KCNMB2: variants seen among roughly 807,000 people sequenced by gnomAD.
KCNMB2 encodes potassium calcium-activated channel subfamily M regulatory beta subunit 2.
Under a neutral mutation model 24.5 loss-of-function variants are expected in KCNMB2, and 9 were observed. The ratio of observed to expected loss-of-function variants is 0.37; its 90% CI spans 0.22 to 0.64. The LOEUF (loss-of-function observed/expected upper bound fraction) is 0.64. Among genes scored for constraint, KCNMB2 ranks in the 30% least tolerant of loss-of-function variants. The pLI, the probability that KCNMB2 is intolerant of heterozygous loss-of-function variation, is 0.63. For synonymous variants in KCNMB2, 109 were observed against 104.4 expected (o/e 1.04, Z -0.27); for missense variants, 226 against 284.3 (o/e 0.79, Z 1.47).
intron 1 of KCNMB2, among the ~76,000 whole-genome samples, chr3:178,563,107 A>T (rs922267145): frequency 2.6e-5 from 4 of 152,310 alleles, no homozygotes; most frequent in African/African-American, 9.6e-5. Context: ...GTGAACTGGG[A>T]TCCTTTAATT....
intron 1 of KCNMB2, among the ~76,000 whole-genome samples, chr3:178,683,320 A>G (rs576731443): frequency 1.3e-5 from 2 of 151,726 alleles, no homozygotes; most frequent in African/African-American, 4.8e-5. Context: ...GGGGACTACT[A>G]GATGGCACAG....
intron 1 of KCNMB2, among the ~76,000 whole-genome samples, chr3:178,758,038 ATATCTAGATATATATATATATC>A (rs1560006426): frequency 0.057 from 106 of 1,860 alleles, 15 homozygotes; most frequent in South Asian, 0.1. Context: ...ATATATATAT[ATATCTAGATATATATATATATC>A]TCCAAGAGGA....
intron 1 of KCNMB2, among the ~76,000 whole-genome samples, chr3:178,591,752 A>G (rs1212502117): frequency 1.3e-5 from 2 of 152,078 alleles, no homozygotes; most frequent in African/African-American, 2.4e-5. Flanking sequence ...CCTTCTTGCT[A>G]TAGTCAAATC....
intron 1 of KCNMB2, among the ~76,000 whole-genome samples, chr3:178,606,152 G>C (rs1718263836): frequency 6.6e-6 from 1 of 152,174 alleles, no homozygotes; most frequent in Non-Finnish European, 1.5e-5. Context: ...CAATCTTATA[G>C]ATACGTTTTA....
intron 1 of KCNMB2, among the ~76,000 whole-genome samples, chr3:178,537,909 A>C (rs1357440957): frequency 6.6e-6 from 1 of 152,196 alleles, no homozygotes; most frequent in Non-Finnish European, 1.5e-5. Context: ...AATAATTATA[A>C]ATTTATAAAA....
chr3:178,829,551 A>G (rs1364006386), intron 4 of KCNMB2, among the ~76,000 whole-genome samples: 1 of 152,216 alleles, frequency 6.6e-6, no homozygotes, highest in Non-Finnish European at 1.5e-5. Flanking sequence ...GCCACAAATA[A>G]TACCAGTCCC....
At chr3:178,602,621 C>T (rs981424808) in intron 1 of KCNMB2, among the ~76,000 whole-genome samples, 1 of 151,716 alleles carries the variant, frequency 6.6e-6, no homozygotes, top group African/African-American at 2.4e-5. Flanking sequence ...CAAGGAGGAG[C>T]CAGCCAGGTG....
At chr3:178,602,346 T>C (rs1034939063) in intron 1 of KCNMB2, among the ~76,000 whole-genome samples, 1 of 152,120 alleles carries the variant, frequency 6.6e-6, no homozygotes, top group Non-Finnish European at 1.5e-5. Context: ...ATTTACCTAC[T>C]ATATGCCTGA....
rs1182304174 is a variant in KCNMB2 at position 178,758,615 on chromosome 3, G to GAT, written c.-67-48713_-67-48712dup. 2.8e-3 allele frequency among the ~76,000 whole-genome samples: 97 copies of GAT among 34,208 alleles called. 5 individuals are homozygous for GAT. Among genetic ancestry groups the GAT allele is most frequent in the Non-Finnish European group, 4.3e-3 (75 of 17,590 alleles). 22.4% of individuals were successfully genotyped at this position (34,208 alleles called of 152,430 possible). A position where few individuals can be genotyped will look rare whatever the true frequency, so the allele number is the denominator to read the frequency against. ...GAGGAGATATATATATCTCCAAGAG[G>GAT]ATATATATATATATATCTCTCTCTC... On this transcript the variant is annotated intron_variant, in intron 1 of 4. Transcript: ENST00000452583.
chr3:178,703,338 C>T (rs1313646896), intron 1 of KCNMB2, among the ~76,000 whole-genome samples: 3 of 152,066 alleles, frequency 2.0e-5, no homozygotes, highest in Non-Finnish European at 4.4e-5. Context: ...ACATGCTTTC[C>T]ACCATTCCAT....
chr3:178,809,351 T>C (rs1714096816), intron 2 of KCNMB2, among the ~76,000 whole-genome samples: 1 of 152,264 alleles, frequency 6.6e-6, no homozygotes, highest in South Asian at 2.1e-4. Context: ...TATATTTTGC[T>C]ACTTTTTATG....
At chr3:178,758,043 T>C (rs370336821) in intron 1 of KCNMB2, among the ~76,000 whole-genome samples, 4,007 of 6,818 alleles carry the variant, frequency 0.59, 1,252 homozygotes, top group Middle Eastern at 1. Context: ...TATATATATC[T>C]AGATATATAT....
intron 1 of KCNMB2, among the ~76,000 whole-genome samples, chr3:178,776,576 C>A (rs1329301984): frequency 1.3e-5 from 2 of 152,094 alleles, no homozygotes; most frequent in African/African-American, 4.8e-5. Flanking sequence ...TAATGGGACA[C>A]CATCACCTTT....
chr3:178,540,700 T>C (rs1208731773), intron 1 of KCNMB2, among the ~76,000 whole-genome samples: 4 of 152,218 alleles, frequency 2.6e-5, no homozygotes, highest in Non-Finnish European at 5.9e-5. Flanking sequence ...TTTACTTTTT[T>C]TCAGGTTTCT....
intron 1 of KCNMB2, among the ~76,000 whole-genome samples, chr3:178,766,145 C>T (rs570578338): frequency 6.6e-6 from 1 of 152,142 alleles, no homozygotes; most frequent in African/African-American, 2.4e-5. Flanking sequence ...CCTTATGTTC[C>T]CAGAAGAAAA....
intron 1 of KCNMB2, among the ~76,000 whole-genome samples, chr3:178,632,306 A>T (rs556156617): frequency 5.7e-4 from 86 of 152,202 alleles, no homozygotes; most frequent in African/African-American, 2.0e-3. Context: ...TCAAACTAAG[A>T]CCCATGGTGT....
chr3:178,789,217 G>A (rs777549433), intron 1 of KCNMB2, among the ~76,000 whole-genome samples: 14 of 152,132 alleles, frequency 9.2e-5, no homozygotes, highest in African/African-American at 1.7e-4. Flanking sequence ...ATGTCAATGC[G>A]TCATGATTAT....
intron 1 of KCNMB2, among the ~76,000 whole-genome samples, chr3:178,713,809 C>T (rs549217932): frequency 8.5e-5 from 13 of 152,232 alleles, no homozygotes; most frequent in South Asian, 2.1e-4. Context: ...TGGAGGTGCT[C>T]TGAGAATGAC....
intron 1 of KCNMB2, among the ~76,000 whole-genome samples, chr3:178,749,659 T>C (rs1036765240): frequency 1.3e-5 from 2 of 152,242 alleles, no homozygotes; most frequent in African/African-American, 2.4e-5. Flanking sequence ...AGAATTTTTA[T>C]AATTCGCATC....
Sources: allele counts gnomAD v4.1 joint callset (sites outside exome capture counted in the v4.1 genomes callset), GRCh38; gene constraint gnomAD v4.1.1; transcripts MANE v1.5; gene names NCBI Gene and HGNC (gene_info 2026-07-23, HGNC 2026-07-21).